Variants in LRRFIP1 observed in about 807,000 individuals in gnomAD.
LRRFIP1 encodes LRR binding FLII interacting protein 1.
Under a neutral mutation model 104.4 loss-of-function variants are expected in LRRFIP1, and 62 were observed. The observed-to-expected ratio is 0.59, with a 90% CI of 0.48 to 0.73. LRRFIP1 has a LOEUF of 0.73. Ranked by LOEUF, LRRFIP1 falls within the 30% of genes least tolerant of loss-of-function variation. LRRFIP1 has a pLI of 0.00. For missense variants in LRRFIP1, 796 were observed against 824.5 expected (o/e 0.97, Z 0.42); for synonymous variants, 300 against 299.0 (o/e 1.00, Z -0.03).
chr2:237,769,842 A>G (rs2060470746), intron 19 of LRRFIP1, 101 bp from the exon 20 acceptor site: 5 of 879,554 alleles, frequency 5.7e-6, no homozygotes, highest in South Asian at 4.3e-5. Context: ...TACTTCCATC[A>G]TTCATTTCAC....
intron 13 of LRRFIP1, 125 bp downstream of exon 13, chr2:237,749,449 C>T: frequency 4.3e-6 from 5 of 1,151,280 alleles, no homozygotes; most frequent in Non-Finnish European, 6.1e-6. Flanking sequence ...TCTCCCTCAC[C>T]TCCCCTAAAA....
chr2:237,635,396 G>A (rs2082938289), intron 1 of LRRFIP1, among the ~76,000 whole-genome samples: 1 of 152,290 alleles, frequency 6.6e-6, no homozygotes, highest in East Asian at 1.9e-4. Context: ...AAAATCACTG[G>A]CAGAACACAA....
intron 7 of LRRFIP1, among the ~76,000 whole-genome samples, chr2:237,724,529 G>A (rs2094665437): frequency 6.6e-6 from 1 of 152,140 alleles, no homozygotes; most frequent in African/African-American, 2.4e-5. Context: ...GTCAGGACAG[G>A]GGAAAGCACA....
intron 23 of LRRFIP1, among the ~76,000 whole-genome samples, chr2:237,778,776 G>A (rs1031781403): frequency 6.6e-6 from 1 of 152,058 alleles, no homozygotes; most frequent in Non-Finnish European, 1.5e-5. Context: ...AATTAGCCAG[G>A]TGTGGTGGTG....
intron 1 of LRRFIP1, among the ~76,000 whole-genome samples, chr2:237,629,808 G>A (rs1429256635): frequency 6.6e-6 from 1 of 152,158 alleles, no homozygotes; most frequent in Non-Finnish European, 1.5e-5. Context: ...TGAAAAGGAA[G>A]GCAAGGGAAC....
chr2:237,698,172 T>G (rs768793530), intron 1 of LRRFIP1, among the ~76,000 whole-genome samples: 1 of 152,158 alleles, frequency 6.6e-6, no homozygotes, highest in African/African-American at 2.4e-5. Flanking sequence ...AGCCTGGAGA[T>G]TTCCAGTAGC....
At chr2:237,729,643 A>G (rs1302710328) in intron 8 of LRRFIP1, 2 of 170,454 alleles carry the variant, frequency 1.2e-5, no homozygotes, top group East Asian at 1.9e-4. Context: ...GCGTCTTTAG[A>G]TAAACTAGCG....
Position 237,627,823 on chromosome 2 carries a change from T to C in LRRFIP1, c.96+83T>C, listed in dbSNP as rs976552063. The C allele has an allele frequency of 3.8e-5, 34 of 896,666 alleles. No individual in the cohort carries two copies. In the African/African-American group the frequency reaches 5.3e-4, roughly 14 times the overall value. 55.5% of individuals were successfully genotyped at this position (896,666 alleles called of 1,614,324 possible). A position where few individuals can be genotyped will look rare whatever the true frequency, so the allele number is the denominator to read the frequency against. ...TGTCAGGGTCTCTCCGGCGTCCGTC[T>C]GTCCCGCTGTGCGTCTGTGCCACTG... On this transcript the variant is annotated intron_variant, in intron 1 of 23. Transcript: ENST00000308482.
In LRRFIP1 at chr2:237,763,068, A is replaced by G. The variant is rs771295037; in HGVS notation, c.1459+2863A>G. On this transcript the variant is annotated intron_variant, in intron 19 of 23. Coordinates refer to ENST00000308482, the MANE Select transcript of LRRFIP1 (RefSeq NM_001137550.2). Reference sequence around the variant, plus strand: ...GGGCATAGTGATGACACAGTTTATCATGATGACAAATGTATGGTAGAGGTC... The same window carrying G: ...GGGCATAGTGATGACACAGTTTATCGTGATGACAAATGTATGGTAGAGGTC... 3.1e-6 allele frequency: 5 copies of G among 1,614,156 alleles called. No homozygotes were observed. Among genetic ancestry groups the G allele is most frequent in the African/African-American group, 2.7e-5 (2 of 74,944 alleles).
intron 1 of LRRFIP1, among the ~76,000 whole-genome samples, chr2:237,656,437 T>C (rs1230863979): frequency 6.6e-6 from 1 of 152,264 alleles, no homozygotes; most frequent in African/African-American, 2.4e-5. Context: ...TTATCATGTC[T>C]ATCTAAATAC....
intron 8 of LRRFIP1, among the ~76,000 whole-genome samples, chr2:237,730,919 G>GACAGACAAACAA (rs560009590): frequency 5.9e-5 from 9 of 151,304 alleles, no homozygotes; most frequent in African/African-American, 1.2e-4. Context: ...TTCCATCTCA[G>GACAGACAAACAA]ACAAACAAAC....
chr2:237,756,226 C>G (rs2059250054), intron 16 of LRRFIP1, 39 bp downstream of exon 16: 1 of 1,513,508 alleles, frequency 6.6e-7, no homozygotes, highest in Non-Finnish European at 9.1e-7. Context: ...CCTTTTTTCC[C>G]TTTGGAGCAT....
chr2:237,647,073 A>G (rs1156957153), intron 1 of LRRFIP1, among the ~76,000 whole-genome samples: 1 of 152,026 alleles, frequency 6.6e-6, no homozygotes, highest in Non-Finnish European at 1.5e-5. Flanking sequence ...ACTTAACAGT[A>G]TCCTCTGCTT....
At position 237,703,252 on chromosome 2, in the gene LRRFIP1, C is replaced by T. The variant is rs1310863923; in HGVS notation, c.97-5292C>T. Among the ~76,000 whole-genome samples the T allele has an allele frequency of 4.6e-5, 7 of 152,120 alleles. No homozygotes were observed. Among genetic ancestry groups the T allele is most frequent in the African/African-American group, 1.7e-4 (7 of 41,410 alleles). ...CCCTTTGCAGTTTTTGCTTTGTATCCTAAACTCCACAGGCCCGAACCCTGG... is the reference window on the plus strand; with the variant it reads ...CCCTTTGCAGTTTTTGCTTTGTATCTTAAACTCCACAGGCCCGAACCCTGG... On this transcript the variant is annotated intron_variant, in intron 1 of 23. Coordinates refer to ENST00000308482, the MANE Select transcript of LRRFIP1 (RefSeq NM_001137550.2). This position sits in a 1 kb window ranked among gnomAD's most constrained non-coding sequence, Gnocchi z 4.3.
chr2:237,641,330 G>A (rs559933793), intron 1 of LRRFIP1, among the ~76,000 whole-genome samples: 81 of 151,712 alleles, frequency 5.3e-4, no homozygotes, highest in Non-Finnish European at 9.0e-4. Context: ...TGGCCAACAT[G>A]GTGAAACCCC....
chr2:237,692,467 C>T (rs1433300526), intron 1 of LRRFIP1: 1 of 1,531,876 alleles, frequency 6.5e-7, no homozygotes, highest in Admixed American at 2.0e-5. Flanking sequence ...TGACCAGCCC[C>T]GCGGCCGCTC....
intron 20 of LRRFIP1, chr2:237,770,755 T>G (rs2060546874): frequency 6.6e-6 from 1 of 152,306 alleles, no homozygotes; most frequent in African/African-American, 2.4e-5. Context: ...ATCGCACCAC[T>G]GCACTCCAAC....
intron 1 of LRRFIP1, among the ~76,000 whole-genome samples, chr2:237,705,655 C>G (rs376489973): frequency 6.7e-5 from 10 of 149,694 alleles, no homozygotes; most frequent in African/African-American, 2.5e-4. Flanking sequence ...CAGAGGGAGA[C>G]CCTGTCTCCA....
chr2:237,675,632 G>C lies in LRRFIP1; in HGVS notation c.97-32912G>C, dbSNP rs116042922. Reference sequence around the variant, plus strand: ...CTTCCTCCCTTTCTTTTCGAATGAAGTTATGGAAGGAAATGAACTTTGTTA... The same window carrying C: ...CTTCCTCCCTTTCTTTTCGAATGAACTTATGGAAGGAAATGAACTTTGTTA... On this transcript the variant is annotated intron_variant, in intron 1 of 23. Coordinates refer to ENST00000308482, the MANE Select transcript of LRRFIP1 (RefSeq NM_001137550.2). Among the ~76,000 whole-genome samples the C allele has an allele frequency of 8.0e-3, 1,216 of 152,250 alleles. 2 individuals carry two copies. The highest frequency in any genetic ancestry group is 0.011 in the Non-Finnish European group (742 of 68,022).
Sources: allele counts gnomAD v4.1 joint callset (sites outside exome capture counted in the v4.1 genomes callset), GRCh38; gene constraint gnomAD v4.1.1; non-coding constraint Gnocchi (gnomAD v3.1); transcripts MANE v1.5; gene names NCBI Gene and HGNC (gene_info 2026-07-23, HGNC 2026-07-21).